Variants in GALC observed in about 807,000 individuals in gnomAD.
GALC encodes the protein galactosylceramidase, also known as galactocerebrosidase.
GALC carries 77 observed loss-of-function variants against 91.8 expected under a neutral mutation model. That is an observed-to-expected ratio of 0.84 (90% CI 0.70 to 1.01). GALC has a LOEUF of 1.01. Ranked by LOEUF, GALC falls within the 50% of genes least tolerant of loss-of-function variation. GALC has a pLI of 0.00. For synonymous variants in GALC, 357 were observed against 306.7 expected, an observed-to-expected ratio of 1.16 and a Z score of -1.71; for missense variants, 882 against 855.9, an observed-to-expected ratio of 1.03 and a Z score of -0.38.
intron 16 of GALC, among the ~76,000 whole-genome samples, chr14:87,939,639 C>CT (rs1254872511): frequency 7.9e-5 from 12 of 151,784 alleles, no homozygotes; most frequent in African/African-American, 2.2e-4. Context: ...ATTATTGACT[C>CT]TATCAATTAT....
chr14:87,971,770 G>A (rs958658459), intron 7 of GALC, among the ~76,000 whole-genome samples: 2 of 152,086 alleles, frequency 1.3e-5, no homozygotes. Flanking sequence ...CTAAACATAT[G>A]TGTCTAGTGG....
chr14:87,956,482 ATTCT>A (rs1388302874), intron 10 of GALC, among the ~76,000 whole-genome samples: 3 of 151,700 alleles, frequency 2.0e-5, no homozygotes, highest in African/African-American at 7.3e-5. Flanking sequence ...GCATTATTTC[ATTCT>A]TTCTATGCTG....
At position 87,947,785 on chromosome 14, in the gene GALC, G is replaced by A. The variant is rs1348494454; in HGVS notation, c.1432C>T (p.Pro478Ser). ...TLTTGRKGSYPLPPKSQPFPS... is the reference protein window; with the variant it reads ...TLTTGRKGSYSLPPKSQPFPS... ...AAGGGCTGGGATTTTGGAGGAAGCG[G>A]GTAGCTGCCTTTGCGACCAGTGGTG... Residue 478 changes from proline to serine, a missense_variant, in exon 13 of 17, where the codon CCG becomes TCG. Transcript: ENST00000261304. The A allele has an allele frequency of 1.2e-6, 2 of 1,612,826 alleles. No homozygotes were observed. Among genetic ancestry groups the A allele is most frequent in the African/African-American group, 1.3e-5 (1 of 74,790 alleles).
intron 6 of GALC, among the ~76,000 whole-genome samples, chr14:87,980,943 T>G (rs923426886): frequency 1.8e-4 from 27 of 152,230 alleles, no homozygotes; most frequent in African/African-American, 6.5e-4. Flanking sequence ...AAAGAAAATT[T>G]TTTTCTATAA....
At chr14:87,990,588 T>C (rs997888559) in intron 1 of GALC, among the ~76,000 whole-genome samples, 4 of 152,226 alleles carry the variant, frequency 2.6e-5, no homozygotes, top group African/African-American at 9.6e-5. Context: ...GGCACACTAA[T>C]ATATCCTTGA....
rs74073881 is a variant in GALC at position 87,941,713 on chromosome 14, A to C, written c.1671-155T>G. 0.017 allele frequency among the ~76,000 whole-genome samples: 2,553 copies of C among 152,122 alleles called. 73 individuals carry two copies. Among genetic ancestry groups the C allele is most frequent in the African/African-American group, 0.058 (2,418 of 41,536 alleles). Reference sequence around the variant, plus strand: ...CCTGTAGCAGAGATGGGCTTCAAGAATCTTTATTGACAACAGTTTTAAATG... The same window carrying C: ...CCTGTAGCAGAGATGGGCTTCAAGACTCTTTATTGACAACAGTTTTAAATG... On this transcript the variant is annotated intron_variant, in intron 14 of 16. Transcript: ENST00000261304.
intron 14 of GALC, among the ~76,000 whole-genome samples, chr14:87,944,819 C>T (rs926678239): frequency 2.6e-5 from 4 of 151,928 alleles, no homozygotes; most frequent in Non-Finnish European, 4.4e-5. Context: ...TTCCAAGCTT[C>T]GGATATGGCT....
At chr14:87,947,082 C>T (rs147966364) in intron 13 of GALC, among the ~76,000 whole-genome samples, 1 of 152,064 alleles carries the variant, frequency 6.6e-6, no homozygotes, top group East Asian at 2.0e-4. Flanking sequence ...AGCCACCTGA[C>T]CCTGTCTGTG....
chr14:87,954,729 A>G, intron 10 of GALC: 1 of 1,560,770 alleles, frequency 6.4e-7, no homozygotes, highest in Non-Finnish European at 8.8e-7. Context: ...ATAGCTCTAA[A>G]TGCTCACAGT....
intron 13 of GALC, among the ~76,000 whole-genome samples, chr14:87,946,442 C>T (rs914236023): frequency 6.6e-6 from 1 of 151,956 alleles, no homozygotes; most frequent in African/African-American, 2.4e-5. Context: ...AGTGTTTTTG[C>T]ATTCATTACC....
intron 10 of GALC, 127 bp downstream of exon 10, chr14:87,963,257 C>G (rs1431864701): frequency 2.2e-5 from 22 of 985,062 alleles, no homozygotes; most frequent in Non-Finnish European, 3.1e-5. Flanking sequence ...TAAATGAAAG[C>G]CATAAGATCT....
intron 7 of GALC, 82 bp from the exon 8 acceptor site, chr14:87,968,572 A>G: frequency 1.5e-6 from 2 of 1,322,898 alleles, no homozygotes; most frequent in Non-Finnish European, 2.2e-6. Flanking sequence ...GAGTATATAA[A>G]AATACGAGTC....
intron 8 of GALC, among the ~76,000 whole-genome samples, chr14:87,967,792 C>A (rs1886116969): frequency 6.6e-6 from 1 of 152,088 alleles, no homozygotes; most frequent in Admixed American, 6.6e-5. Flanking sequence ...GGAAACCACT[C>A]TAGATTAAAG....
rs1304137701 is a variant in GALC, at chr14:87,945,643, T to G, written c.1580A>C (p.His527Pro). ...GTTGAGAACTTGGCGTAGCGTGAAG[T>G]GATGCTCGCCAGGGTCTTCAATATT... is the stretch of plus-strand genomic sequence containing the variant. ...FTNIEDPGEH[H>P]FTLRQVLNQR... Residue 527 changes from histidine to proline, a missense_variant, in exon 14 of 17, where the codon CAC becomes CCC. His to Pro is a moderately conservative substitution (Grantham distance 77). Transcript: ENST00000261304. 4 of 1,610,142 alleles carry G rather than the reference T, an allele frequency of 2.5e-6. No homozygotes were observed. The Admixed American group carries it at 6.7e-5, about 27-fold the overall frequency.
chr14:87,952,819 C>T, intron 10 of GALC: 2 of 1,421,644 alleles, frequency 1.4e-6, no homozygotes, highest in Non-Finnish European at 2.0e-6. Context: ...ATTCACTCCT[C>T]TAGACTGAGT....
intron 7 of GALC, among the ~76,000 whole-genome samples, chr14:87,975,247 T>C (rs1254669610): frequency 2.0e-5 from 3 of 152,002 alleles, no homozygotes; most frequent in Non-Finnish European, 4.4e-5. Flanking sequence ...ACAAAGTTTG[T>C]AAGACAAACA....
chr14:87,986,573 C>T lies in GALC; in HGVS notation c.358G>A (p.Ala120Thr). The T allele has an allele frequency of 1.9e-6, 3 of 1,613,556 alleles. No individual in the cohort carries two copies. The highest frequency in any genetic ancestry group is 2.2e-5 in the East Asian group (1 of 44,858). The change falls in exon 4 of 17, where the codon GCA becomes ACA. Residue 120 changes from alanine to threonine, a missense_variant. Physicochemically the swap from Ala to Thr is moderately conservative, Grantham distance 58. Coordinates refer to ENST00000261304, the MANE Select transcript of GALC (RefSeq NM_000153.4). ...DGTEPSHMHY[A>T]LDENYFRGYE... is the part of the protein sequence containing the mutation. ...CCTCGGAAATAATTCTCATCTAGTG[C>T]ATAATGCATGTGGGAGGGCTCAGTG...
At chr14:87,958,114 CAAGGCTATAGTAACCAA>C (rs113936167) in intron 10 of GALC, among the ~76,000 whole-genome samples, 17,177 of 152,048 alleles carry the variant, frequency 0.11, 1,139 homozygotes, top group Non-Finnish European at 0.16. Context: ...AATTATACTA[CAAGGCTATAGTAACCAA>C]AACAGCATGT....
At chr14:87,943,573 C>T (rs547342242) in intron 14 of GALC, among the ~76,000 whole-genome samples, 1 of 152,080 alleles carries the variant, frequency 6.6e-6, no homozygotes, top group Admixed American at 6.6e-5. Context: ...CACACAGACC[C>T]GGCTTCTAGC....
Sources: allele counts gnomAD v4.1 joint callset (sites outside exome capture counted in the v4.1 genomes callset), GRCh38; gene constraint gnomAD v4.1.1; transcripts MANE v1.5; gene names NCBI Gene and HGNC (gene_info 2026-07-23, HGNC 2026-07-21).